FBN1: variants seen among roughly 807,000 people sequenced by gnomAD.
FBN1 encodes the protein fibrillin-1.
A neutral mutation model predicts 365.1 loss-of-function variants in FBN1; 29 were observed. That is an observed-to-expected ratio of 0.08 (90% CI 0.06 to 0.11). FBN1 has a LOEUF of 0.11. Ranked by LOEUF, FBN1 falls within the 10% of genes least tolerant of loss-of-function variation. The pLI, the probability that FBN1 is intolerant of heterozygous loss-of-function variation, is 1.00. For synonymous variants in FBN1, 1,210 were observed against 1,270.5 expected, an observed-to-expected ratio of 0.95 and a Z score of 1.01; for missense variants, 2,476 against 3,703.2, an observed-to-expected ratio of 0.67 and a Z score of 8.60.
intron 7 of FBN1, among the ~76,000 whole-genome samples, chr15:48,534,947 T>C (rs7164585): frequency 0.38 from 58,264 of 152,048 alleles, 14,325 homozygotes; most frequent in African/African-American, 0.71. Flanking sequence ...GTGTGTACTA[T>C]GTCCTGGGGA....
At chr15:48,625,361 G>A (rs1889855711) in intron 2 of FBN1, among the ~76,000 whole-genome samples, 1 of 152,146 alleles carries the variant, frequency 6.6e-6, no homozygotes, top group Admixed American at 6.6e-5. Context: ...GGCAACCAGA[G>A]GAAAACTTGG....
chr15:48,557,710 G>A (rs116238798), intron 6 of FBN1, among the ~76,000 whole-genome samples: 371 of 152,294 alleles, frequency 2.4e-3, no homozygotes, highest in African/African-American at 8.7e-3. Context: ...TTAAAGGAAA[G>A]GATGACTGGG....
chr15:48,417,593 C>T (rs1597510943), intron 63 of FBN1, among the ~76,000 whole-genome samples: 1 of 151,948 alleles, frequency 6.6e-6, no homozygotes, highest in Non-Finnish European at 1.5e-5. Flanking sequence ...ACCTTCAAGT[C>T]TTCACCCAAG....
At chr15:48,495,952 C>CA (rs2043604620) in intron 20 of FBN1, 148 bp downstream of exon 20, 1 of 947,130 alleles carries the variant, frequency 1.1e-6, no homozygotes, top group African/African-American at 1.7e-5. Flanking sequence ...TTACAAAGTA[C>CA]ATACTAGTGC....
At position 48,497,371 on chromosome 15, in the gene FBN1, C is replaced by T. The variant is rs199625633; in HGVS notation, c.2188G>A (p.Asp730Asn). 6.2e-6 allele frequency: 10 copies of T among 1,613,790 alleles called. No homozygotes were observed. Among genetic ancestry groups the T allele is most frequent in the Admixed American group, 1.7e-5 (1 of 59,982 alleles). ...AGSDINECAL[D>N]PDICPNGICE... ...ATTCCATTTGGGCAAATATCAGGAT[C>T]TAGTGCACATTCATTTATATCTGCA... Residue 730 changes from aspartate to asparagine, a missense_variant, in exon 19 of 66, where the codon GAT (aspartate) becomes AAT (asparagine). This residue lies in a region of FBN1 where 1,780 missense variants were observed against 2,840.8 expected (regional missense o/e 0.63). Transcript: ENST00000316623.
chr15:48,455,862 G>A (rs1420144031), intron 44 of FBN1, among the ~76,000 whole-genome samples: 1 of 151,960 alleles, frequency 6.6e-6, no homozygotes, highest in East Asian at 1.9e-4. Flanking sequence ...TTAAAATGTT[G>A]ACATATGTGC....
At chr15:48,505,240 G>A in intron 15 of FBN1, 93 bp from the exon 16 acceptor site, 2 of 1,485,526 alleles carry the variant, frequency 1.3e-6, no homozygotes, top group Non-Finnish European at 1.9e-6. Flanking sequence ...TGAAAATGGG[G>A]AAGATAGGAA....
chr15:48,486,839 C>A (rs2043511144), intron 29 of FBN1, among the ~76,000 whole-genome samples: 1 of 152,144 alleles, frequency 6.6e-6, no homozygotes, highest in Admixed American at 6.5e-5. Context: ...ATGTCCTTCA[C>A]TTAACTGGCT....
intron 50 of FBN1, among the ~76,000 whole-genome samples, chr15:48,440,733 AT>A: frequency 6.6e-6 from 1 of 152,288 alleles, no homozygotes; most frequent in African/African-American, 2.4e-5. Flanking sequence ...GGTTGGGCAG[AT>A]ATTATTGTTG....
In FBN1 at chr15:48,596,079, G is replaced by A. The variant is rs1876207; in HGVS notation, c.538+204C>T. 0.078 allele frequency among the ~76,000 whole-genome samples: 11,798 copies of A among 152,154 alleles called. 1,618 individuals carry two copies. The highest frequency in any genetic ancestry group is 0.27 in the African/African-American group (11,328 of 41,434). On this transcript the variant is annotated intron_variant, in intron 6 of 65. Transcript: ENST00000316623. ...CAAATAACTGAATTTAGGTAAACTT[G>A]GACTGACAAACATTGCCGAATATCA...
chr15:48,495,462 T>C lies in FBN1; in HGVS notation c.2539+7A>G. On this transcript the variant is annotated splice_region_variant and intron_variant, in intron 21 of 65. Transcript: ENST00000316623. ...CATAGAAAAATCATTCTCAGAAAGA[T>C]AAATACCTATGCAGATGGTTTTTGT... The C allele has an allele frequency of 6.2e-7, 1 of 1,613,562 alleles. No individual in the cohort carries two copies. Among genetic ancestry groups the C allele is most frequent in the Middle Eastern group, 1.7e-4 (1 of 6,036 alleles).
intron 43 of FBN1, among the ~76,000 whole-genome samples, chr15:48,458,562 C>T (rs1489506348): frequency 2.6e-5 from 4 of 152,078 alleles, no homozygotes; most frequent in Non-Finnish European, 4.4e-5. Context: ...GGTTAGAACA[C>T]GAAACATCAT....
At chr15:48,532,760 T>C (rs895239060) in intron 8 of FBN1, among the ~76,000 whole-genome samples, 1 of 152,146 alleles carries the variant, frequency 6.6e-6, no homozygotes, top group African/African-American at 2.4e-5. Flanking sequence ...CTGCTTCAAA[T>C]TTAGATCTAC....
chr15:48,544,743 A>G (rs1453874357), intron 6 of FBN1, among the ~76,000 whole-genome samples: 1 of 152,232 alleles, frequency 6.6e-6, no homozygotes, highest in Non-Finnish European at 1.5e-5. Context: ...GAGTAAAAGA[A>G]TATCTCATTT....
At chr15:48,555,197 T>C (rs574300974) in intron 6 of FBN1, among the ~76,000 whole-genome samples, 4 of 152,290 alleles carry the variant, frequency 2.6e-5, no homozygotes, top group Non-Finnish European at 5.9e-5. Context: ...GGCTAAACTG[T>C]CCCAGCCCTG....
At chr15:48,471,941 G>C (rs143972439) in intron 35 of FBN1, among the ~76,000 whole-genome samples, 1 of 152,362 alleles carries the variant, frequency 6.6e-6, no homozygotes, top group East Asian at 1.9e-4. Context: ...CAGAATGACA[G>C]AGCCTAAAGC....
intron 43 of FBN1, among the ~76,000 whole-genome samples, chr15:48,457,664 G>C (rs2043251492): frequency 6.6e-6 from 1 of 152,128 alleles, no homozygotes; most frequent in Non-Finnish European, 1.5e-5. Context: ...AGTAATAGTA[G>C]TAATAATGGT....
chr15:48,577,897 T>C (rs929355154), intron 6 of FBN1, among the ~76,000 whole-genome samples: 2 of 152,188 alleles, frequency 1.3e-5, no homozygotes, highest in Non-Finnish European at 2.9e-5. Context: ...AACATATGTC[T>C]TGTTGTAAAA....
intron 29 of FBN1, 37 bp downstream of exon 29, chr15:48,487,018 CATAACATAAAATAAAGTAAA>C (rs2043512732): frequency 8.1e-7 from 1 of 1,232,304 alleles, no homozygotes; most frequent in Non-Finnish European, 1.1e-6. Context: ...CATAACATAA[CATAACATAAAATAAAGTAAA>C]ATAAAATAAA....
Sources: gnomAD v4.1 joint callset for allele counts (sites outside exome capture counted in the v4.1 genomes callset) on GRCh38, gnomAD v4.1.1 for gene constraint, gnomAD v4.1.1 regional missense constraint, MANE v1.5 for transcripts, NCBI Gene and HGNC (gene_info 2026-07-23, HGNC 2026-07-21) for gene names.